The following FRMD3 variants were observed in gnomAD, a reference collection of about 807,000 sequenced individuals.
The protein encoded by FRMD3 is FERM domain containing 3.
A neutral mutation model predicts 70.2 loss-of-function variants in FRMD3; 33 were observed. The ratio of observed to expected loss-of-function variants is 0.47; its 90% CI spans 0.36 to 0.63. The LOEUF (loss-of-function observed/expected upper bound fraction) is 0.63. Ranked by LOEUF, FRMD3 falls within the 20% of genes least tolerant of loss-of-function variation. FRMD3 has a pLI of 0.00. For missense variants in FRMD3, 632 were observed against 711.4 expected, an observed-to-expected ratio of 0.89 and a Z score of 1.27; for synonymous variants, 279 against 255.9, an observed-to-expected ratio of 1.09 and a Z score of -0.86.
In FRMD3 at chr9:83,313,759, C is replaced by T. The variant is rs1564010266; in HGVS notation, c.597-12G>A. On this transcript the variant is annotated splice_polypyrimidine_tract_variant and intron_variant, in intron 6 of 13. Coordinates refer to ENST00000304195, the MANE Select transcript of FRMD3 (RefSeq NM_174938.6). ...GTGGGCTCTGCCCCCTAAAATCACA[C>T]AAGAAAAGTTGAGGCAGTTAAAATG... 4 of 1,607,364 alleles carry T rather than the reference C, an allele frequency of 2.5e-6. No homozygotes were observed. In the Admixed American group the frequency reaches 6.7e-5, roughly 27 times the overall value.
In FRMD3 at chr9:83,507,691, CATATATATATAT is replaced by C. The variant is rs34251863; in HGVS notation, c.147+30382_147+30393del. On this transcript the variant is annotated intron_variant, in intron 1 of 13. Coordinates refer to ENST00000304195, the MANE Select transcript of FRMD3 (RefSeq NM_174938.6). ...TCTCAAACAAAAAAAAATATACATACATATATATATATATATATATATATATATATATATATA... is the reference window on the plus strand; with the variant it reads ...TCTCAAACAAAAAAAAATATACATACATATATATATATATATATATATATA... Among the ~76,000 whole-genome samples the C allele has an allele frequency of 3.2e-3, 159 of 49,246 alleles. 5 individuals carry two copies. Among genetic ancestry groups the C allele is most frequent in the Middle Eastern group, 0.025 (2 of 80 alleles). 32.3% of individuals were successfully genotyped at this position (49,246 alleles called of 152,430 possible).
chr9:83,326,867 G>A (rs1397324152), intron 6 of FRMD3, among the ~76,000 whole-genome samples: 1 of 152,198 alleles, frequency 6.6e-6, no homozygotes, highest in Non-Finnish European at 1.5e-5. Flanking sequence ...TATATTAGAT[G>A]AGGTCAAGTA....
At chr9:83,341,158 C>T (rs1411116560) in intron 5 of FRMD3, among the ~76,000 whole-genome samples, 3 of 152,138 alleles carry the variant, frequency 2.0e-5, no homozygotes, top group South Asian at 2.1e-4. Context: ...AGTACTCACC[C>T]GAGAATCAGA....
chr9:83,365,430 A>C (rs1824755055), intron 3 of FRMD3, among the ~76,000 whole-genome samples: 1 of 152,212 alleles, frequency 6.6e-6, no homozygotes, highest in African/African-American at 2.4e-5. Flanking sequence ...TGTAAATAAT[A>C]GTACTTTTTC....
chr9:83,500,501 C>CTATAAGCCT (rs1564106169), intron 1 of FRMD3, among the ~76,000 whole-genome samples: 6 of 34,984 alleles, frequency 1.7e-4, no homozygotes, highest in Admixed American at 1.6e-3. Context: ...CGTGTATGCG[C>CTATAAGCCT]GCACACACAC....
At chr9:83,368,957 C>T (rs1270503328) in intron 3 of FRMD3, among the ~76,000 whole-genome samples, 1 of 151,998 alleles carries the variant, frequency 6.6e-6, no homozygotes. Context: ...CTGGTTCAAG[C>T]GATTCTCCTG....
intron 1 of FRMD3, among the ~76,000 whole-genome samples, chr9:83,463,052 C>T (rs1159439719): frequency 6.6e-6 from 1 of 152,052 alleles, no homozygotes; most frequent in Admixed American, 6.6e-5. Context: ...AAGAAGGATG[C>T]AAAAATTGCA....
chr9:83,373,378 G>A (rs960096957), intron 2 of FRMD3, among the ~76,000 whole-genome samples: 15 of 152,138 alleles, frequency 9.9e-5, no homozygotes, highest in Non-Finnish European at 2.1e-4. Context: ...TCCTGCTTCC[G>A]GGACAAATTC....
At chr9:83,298,026 A>G (rs1267347551) in intron 12 of FRMD3, among the ~76,000 whole-genome samples, 2 of 152,212 alleles carry the variant, frequency 1.3e-5, no homozygotes, top group Non-Finnish European at 2.9e-5. Flanking sequence ...CATAAAGGAA[A>G]TACCTCTGGG....
the FRMD3 span, among the ~76,000 whole-genome samples, chr9:83,567,282 C>T: frequency 1.3e-5 from 2 of 152,168 alleles, no homozygotes; most frequent in Non-Finnish European, 2.9e-5. Flanking sequence ...GCACCAAGTC[C>T]CTAGGCTGCA....
At chr9:83,260,344 A>G (rs1386218163) in intron 13 of FRMD3, among the ~76,000 whole-genome samples, 2 of 152,182 alleles carry the variant, frequency 1.3e-5, no homozygotes, top group Non-Finnish European at 2.9e-5. Context: ...TCCAAAGCCC[A>G]TGCTTTCTCC....
chr9:83,481,070 A>G (rs1368312882), intron 1 of FRMD3, among the ~76,000 whole-genome samples: 1 of 152,252 alleles, frequency 6.6e-6, no homozygotes, highest in Non-Finnish European at 1.5e-5. Flanking sequence ...AAGAAAAGCA[A>G]AGGAATGATG....
At chr9:83,345,984 C>G (rs1172485195) in intron 4 of FRMD3, among the ~76,000 whole-genome samples, 1 of 151,892 alleles carries the variant, frequency 6.6e-6, no homozygotes, top group African/African-American at 2.4e-5. Flanking sequence ...GGGCAGGGCA[C>G]AGAGGCTCAC....
chr9:83,336,593 G>A (rs1187263105), intron 5 of FRMD3, among the ~76,000 whole-genome samples: 1 of 148,318 alleles, frequency 6.7e-6, no homozygotes, highest in Non-Finnish European at 1.5e-5. Context: ...TGAAATTAAG[G>A]AGTATACATC....
At chr9:83,432,479 C>T (rs182139284) in intron 1 of FRMD3, among the ~76,000 whole-genome samples, 18 of 152,326 alleles carry the variant, frequency 1.2e-4, no homozygotes, top group African/African-American at 4.1e-4. Flanking sequence ...CCAGCCTCTG[C>T]TCCCCAGCAG....
the FRMD3 span, among the ~76,000 whole-genome samples, chr9:83,556,250 T>TA: frequency 2.0e-5 from 3 of 152,082 alleles, no homozygotes; most frequent in Non-Finnish European, 4.4e-5. Context: ...CAATTGGAAA[T>TA]ATTTTGAACA....
chr9:83,315,990 T>C (rs1210523323), intron 6 of FRMD3, among the ~76,000 whole-genome samples: 6 of 152,166 alleles, frequency 3.9e-5, no homozygotes, highest in African/African-American at 1.4e-4. Flanking sequence ...GTGTCTGGCC[T>C]GGATCCCTTC....
intron 6 of FRMD3, among the ~76,000 whole-genome samples, chr9:83,321,783 T>G (rs1195265084): frequency 6.6e-6 from 1 of 152,180 alleles, no homozygotes; most frequent in East Asian, 1.9e-4. Flanking sequence ...GTGTTGAACT[T>G]CCCACTATTG....
intron 1 of FRMD3, among the ~76,000 whole-genome samples, chr9:83,485,872 A>T (rs1487515490): frequency 6.6e-6 from 1 of 152,126 alleles, no homozygotes; most frequent in Non-Finnish European, 1.5e-5. Context: ...GAGAATTCGA[A>T]ATTCTCTTCC....
Sources: gnomAD v4.1 joint callset for allele counts (sites outside exome capture counted in the v4.1 genomes callset) on GRCh38, gnomAD v4.1.1 for gene constraint, MANE v1.5 for transcripts, NCBI Gene and HGNC (gene_info 2026-07-23, HGNC 2026-07-21) for gene names.